Variants in CSMD3 observed in about 807,000 individuals in gnomAD.
CSMD3 encodes the protein CUB and Sushi multiple domains 3.
A neutral mutation model predicts 435.2 loss-of-function variants in CSMD3; 177 were observed. The observed-to-expected ratio is 0.41, with a 90% confidence interval of 0.36 to 0.46. The LOEUF is 0.46. CSMD3 is among the 20% of genes least tolerant of loss of function. The pLI is 0.34. For synonymous variants in CSMD3, 1,656 were observed against 1,520.5 expected, an observed-to-expected ratio of 1.09 and a Z score of -2.07; for missense variants, 4,265 against 4,504.6, an observed-to-expected ratio of 0.95 and a Z score of 1.52.
chr8:113,067,371 T>C (rs2088905132), intron 5 of CSMD3, among the ~76,000 whole-genome samples: 1 of 152,114 alleles, frequency 6.6e-6, no homozygotes, highest in South Asian at 2.1e-4. Context: ...TTCATAATTA[T>C]CAATCCTACT....
chr8:112,255,598 T>C, intron 61 of CSMD3, 171 bp from the exon 62 acceptor site: 1 of 623,984 alleles, frequency 1.6e-6, no homozygotes, highest in Non-Finnish European at 2.8e-6. Flanking sequence ...AGATAAATAC[T>C]GAATTGAAAA....
At chr8:112,645,596 A>G (rs1374347954) in intron 19 of CSMD3, among the ~76,000 whole-genome samples, 1 of 152,170 alleles carries the variant, frequency 6.6e-6, no homozygotes, top group African/African-American at 2.4e-5. Context: ...TTTGATATAG[A>G]TTCCTAAAGG....
chr8:112,881,133 G>GCCC (rs899780975), intron 10 of CSMD3, among the ~76,000 whole-genome samples: 1 of 151,950 alleles, frequency 6.6e-6, no homozygotes, highest in Admixed American at 6.6e-5. Flanking sequence ...TGTGAACCAG[G>GCCC]CCCTCCTTCA....
At chr8:112,866,899 A>G (rs1465360767) in intron 10 of CSMD3, among the ~76,000 whole-genome samples, 8 of 152,208 alleles carry the variant, frequency 5.3e-5, no homozygotes, top group Admixed American at 3.3e-4. Flanking sequence ...AGATGTAACT[A>G]TGTAACAATG....
Position 112,245,692 on chromosome 8 carries a change from C to A in CSMD3, c.10223-1119G>T, listed in dbSNP as rs573778596. On this transcript the variant is annotated intron_variant, in intron 64 of 70. Transcript: ENST00000297405. ...AGCTGGGACTACAGGCACCTGCCAC[C>A]ACACCCAGCTAATTTTTTATATTTT... Among the ~76,000 whole-genome samples the A allele has an allele frequency of 2.6e-5, 4 of 152,212 alleles. No individual in the cohort carries two copies. In the East Asian group the frequency reaches 7.7e-4, roughly 29 times the overall value.
chr8:113,380,784 A>G (rs533331121), intron 1 of CSMD3, among the ~76,000 whole-genome samples: 2 of 152,340 alleles, frequency 1.3e-5, no homozygotes, highest in South Asian at 2.1e-4. Flanking sequence ...GGAATGCTTT[A>G]TAGTCTCCTG....
intron 13 of CSMD3, among the ~76,000 whole-genome samples, chr8:112,715,781 G>A (rs969572704): frequency 2.0e-5 from 3 of 152,052 alleles, no homozygotes; most frequent in Middle Eastern, 3.4e-3. Context: ...TACACAAACC[G>A]GCAGATGTAA....
At chr8:113,337,561 T>G (rs1438622835) in intron 1 of CSMD3, among the ~76,000 whole-genome samples, 1 of 152,124 alleles carries the variant, frequency 6.6e-6, no homozygotes, top group Non-Finnish European at 1.5e-5. Context: ...TAAAACTTTA[T>G]GTCTTTGGTT....
chr8:113,099,692 T>C (rs1226530399), intron 4 of CSMD3, among the ~76,000 whole-genome samples: 1 of 152,066 alleles, frequency 6.6e-6, no homozygotes, highest in Non-Finnish European at 1.5e-5. Context: ...ATTGGGGCCA[T>C]AGATTCTCCA....
At chr8:113,159,746 TTA>T in intron 4 of CSMD3, among the ~76,000 whole-genome samples, 1 of 152,044 alleles carries the variant, frequency 6.6e-6, no homozygotes, top group Middle Eastern at 3.2e-3. Context: ...TAACCTGAAT[TTA>T]ATTAAGAAAA....
chr8:112,224,584 ACT>A lies in CSMD3; in HGVS notation c.*185_*186del, dbSNP rs1248007925. ...CAGAGTGCAGCCAAATTTCTGTAAA[ACT>A]CTCCATGGTAAACATGAAGAATTAT... On this transcript the variant is annotated 3_prime_UTR_variant, in exon 71 of 71. Transcript: ENST00000297405. The A allele has an allele frequency of 1.5e-6, 1 of 652,562 alleles. No individual in the cohort carries two copies. Among genetic ancestry groups the A allele is most frequent in the East Asian group, 2.8e-5 (1 of 36,070 alleles). The allele number at this position is 652,562 out of a possible 1,614,324, so 40.4% of individuals were successfully genotyped here. A position where few individuals can be genotyped will look rare whatever the true frequency, so the allele number is the denominator to read the frequency against.
intron 10 of CSMD3, among the ~76,000 whole-genome samples, chr8:112,903,969 T>G (rs538297248): frequency 6.6e-6 from 1 of 151,476 alleles, no homozygotes; most frequent in South Asian, 2.1e-4. Context: ...ACTCACAGTT[T>G]TCTAGCCATT....
At chr8:112,447,922 T>G (rs978895276) in intron 32 of CSMD3, among the ~76,000 whole-genome samples, 3 of 152,110 alleles carry the variant, frequency 2.0e-5, no homozygotes, top group Admixed American at 2.0e-4. Flanking sequence ...AAAGTGTAAG[T>G]TGAAGTCCCA....
chr8:113,323,888 A>T (rs1396575317), intron 1 of CSMD3, among the ~76,000 whole-genome samples: 1 of 152,144 alleles, frequency 6.6e-6, no homozygotes, highest in Admixed American at 6.5e-5. Context: ...TCTTCTTTTG[A>T]TCACTAACCA....
intron 4 of CSMD3, among the ~76,000 whole-genome samples, chr8:113,132,029 T>C (rs1249122112): frequency 3.3e-5 from 5 of 152,170 alleles, no homozygotes; most frequent in African/African-American, 4.8e-5. Context: ...CCCTGCTGGG[T>C]TTCAGACTTG....
chr8:112,466,664 G>A (rs1817985266), intron 32 of CSMD3, among the ~76,000 whole-genome samples: 1 of 151,898 alleles, frequency 6.6e-6, no homozygotes, highest in South Asian at 2.1e-4. Context: ...TTTTTCTTCT[G>A]AATTACAAGA....
At chr8:112,238,938 T>C (rs1307041011) in intron 66 of CSMD3, among the ~76,000 whole-genome samples, 2 of 152,040 alleles carry the variant, frequency 1.3e-5, no homozygotes, top group Admixed American at 6.6e-5. Flanking sequence ...TAGTTCTATA[T>C]TTGAGTCCTT....
intron 59 of CSMD3, among the ~76,000 whole-genome samples, chr8:112,271,107 A>G (rs973830512): frequency 6.6e-6 from 1 of 152,168 alleles, no homozygotes; most frequent in Non-Finnish European, 1.5e-5. Flanking sequence ...ACAAGATTCA[A>G]CGAGCACTCT....
chr8:112,305,033 G>T, intron 51 of CSMD3, 118 bp from the exon 52 acceptor site: 1 of 762,184 alleles, frequency 1.3e-6, no homozygotes, highest in Non-Finnish European at 2.3e-6. Flanking sequence ...AGGTCCTTTA[G>T]CATTTGTTCT....
Sources: allele counts gnomAD v4.1 joint callset (sites outside exome capture counted in the v4.1 genomes callset), GRCh38; gene constraint gnomAD v4.1.1; transcripts MANE v1.5; gene names NCBI Gene and HGNC (gene_info 2026-07-23, HGNC 2026-07-21).